Variants in PLIN3 observed in about 807,000 individuals in gnomAD.
PLIN3 encodes perilipin-3.
A neutral mutation model predicts 35.9 loss-of-function variants in PLIN3; 30 were observed. The ratio of observed to expected loss-of-function variants is 0.84; its 90% CI spans 0.62 to 1.13. The LOEUF (loss-of-function observed/expected upper bound fraction) is 1.13, where lower values mean the gene tolerates loss of function less well. PLIN3 is among the 50% of genes most tolerant of loss of function. PLIN3 has a pLI of 0.00. For missense variants in PLIN3, 603 were observed against 596.9 expected, an observed-to-expected ratio of 1.01 and a Z score of -0.11; for synonymous variants, 261 against 262.5, an observed-to-expected ratio of 0.99 and a Z score of 0.06.
In PLIN3 at chr19:4,847,793, C is replaced by T; in HGVS notation, c.732G>A (p.Glu244=). The T allele has an allele frequency of 2.5e-6, 4 of 1,613,812 alleles. No individual in the cohort carries two copies. The highest frequency in any genetic ancestry group is 1.1e-5 in the South Asian group (1 of 91,056). ...SYFVRLGSLS[E]RLRQHAYEHS... is the part of the protein sequence containing the mutation. Reference sequence around the variant, plus strand: ...GCTCATAGGCGTGCTGCCGCAGCCTCTCCGACAGGGAGCCCAGACGTACGA... The same window carrying T: ...GCTCATAGGCGTGCTGCCGCAGCCTTTCCGACAGGGAGCCCAGACGTACGA... Residue 244 remains glutamate, a synonymous_variant, in exon 6 of 8, where the codon GAG becomes GAA. Coordinates refer to ENST00000221957, the MANE Select transcript of PLIN3 (RefSeq NM_005817.5).
Position 4,847,812 on chromosome 19 carries a change from C to T in PLIN3, c.713G>A (p.Arg238His), listed in dbSNP as rs184331628. The T allele has an allele frequency of 3.3e-5, 53 of 1,613,890 alleles. No homozygotes were observed. Among genetic ancestry groups the T allele is most frequent in the Admixed American group, 2.8e-4 (17 of 59,942 alleles). ...CAGCCTCTCCGACAGGGAGCCCAGA[C>T]GTACGAAGTAGCTCTGTTCCTGCCG... is the stretch of plus-strand genomic sequence containing the variant. ...QQRQEQSYFV[R>H]LGSLSERLRQ... Residue 238 changes from arginine (R) to histidine (H), a missense_variant, in exon 6 of 8, where the codon CGT (arginine) becomes CAT (histidine). By Grantham distance (29) the Arg-to-His change is conservative. Transcript: ENST00000221957.
In PLIN3 at chr19:4,847,887, C is replaced by A. The variant is rs138721016; in HGVS notation, c.638G>T (p.Arg213Leu). Residue 213 changes from arginine to leucine, a missense_variant, in exon 6 of 8, where the codon CGC becomes CTC. Physicochemically the swap from Arg to Leu is moderately radical, Grantham distance 102 (BLOSUM62 -2). Coordinates refer to ENST00000221957, the MANE Select transcript of PLIN3 (RefSeq NM_005817.5). ...AAAGCCATCCAGGGATGTGGCGATG[C>A]GGGCTGCAAGGAAAAGGAGAAGGGT... ...HLPLTDAELA[R>L]IATSLDGFDV... is the part of the protein sequence containing the mutation. 6.2e-7 allele frequency: 1 copy of A among 1,612,294 alleles called. No individual in the cohort carries two copies.
At chr19:4,861,037 G>A (rs759862728) in intron 2 of PLIN3, among the ~76,000 whole-genome samples, 5 of 152,098 alleles carry the variant, frequency 3.3e-5, no homozygotes, top group Admixed American at 6.6e-5. Context: ...GGCCTCCTAG[G>A]ACGTCCCTGA....
intron 7 of PLIN3, among the ~76,000 whole-genome samples, chr19:4,840,967 A>T (rs1599155884): frequency 1.3e-5 from 2 of 151,662 alleles, no homozygotes; most frequent in South Asian, 4.2e-4. Context: ...ACAAACAAAA[A>T]CCCCAGAGGC....
At chr19:4,854,413 G>GT (rs35915790) in intron 4 of PLIN3, among the ~76,000 whole-genome samples, 91,907 of 139,704 alleles carry the variant, frequency 0.66, 28,366 homozygotes, top group Admixed American at 0.68. Flanking sequence ...TTTTGTTTTT[G>GT]TTTTTTTTTA....
At chr19:4,844,234 A>C (rs549288390) in intron 7 of PLIN3, among the ~76,000 whole-genome samples, 1 of 152,044 alleles carries the variant, frequency 6.6e-6, no homozygotes, top group African/African-American at 2.4e-5. Context: ...GAGGCTGGGC[A>C]GGGCGGATCA....
Position 4,839,107 on chromosome 19 carries a change from T to G in PLIN3, c.*85A>C. 8.9e-7 allele frequency: 1 copy of G among 1,127,794 alleles called. No homozygotes were observed. Among genetic ancestry groups the G allele is most frequent in the Non-Finnish European group, 1.3e-6 (1 of 789,446 alleles). 69.9% of individuals were successfully genotyped at this position (1,127,794 alleles called of 1,614,324 possible). A position where few individuals can be genotyped will look rare whatever the true frequency, so the allele number is the denominator to read the frequency against. On this transcript the variant is annotated 3_prime_UTR_variant, in exon 8 of 8. Transcript: ENST00000221957. ...AGAGCTGGGAGGAGTGGCTAGAAAA[T>G]AAGTTTGAAATGAGCCCCGGGTTGA...
At chr19:4,854,522 G>GCCT (rs2030410060) in intron 4 of PLIN3, among the ~76,000 whole-genome samples, 1 of 152,026 alleles carries the variant, frequency 6.6e-6, no homozygotes, top group South Asian at 2.1e-4. Flanking sequence ...TCCTGCCTCA[G>GCCT]CCTCCCCAGC....
At chr19:4,843,131 A>G (rs572262991) in intron 7 of PLIN3, among the ~76,000 whole-genome samples, 15 of 152,184 alleles carry the variant, frequency 9.9e-5, no homozygotes, top group Admixed American at 9.2e-4. Flanking sequence ...TGGAGACAGG[A>G]GAACCACTTG....
At position 4,844,795 on chromosome 19, in the gene PLIN3, TG is replaced by T; in HGVS notation, c.835-3del. 2.5e-6 allele frequency: 4 copies of T among 1,594,270 alleles called. No homozygotes were observed. Among genetic ancestry groups the T allele is most frequent in the Non-Finnish European group, 3.4e-6 (4 of 1,170,592 alleles). ...AACGCCTTGCTTGACAGTTTCCATC[TG>T]GGGCAGGGGAGAGAGAAGTGAGGGA... On this transcript the variant is annotated splice_polypyrimidine_tract_variant and splice_region_variant and intron_variant, in intron 6 of 7. Transcript: ENST00000221957.
In PLIN3 at chr19:4,845,538, G is replaced by A. The variant is rs190341481; in HGVS notation, c.835-745C>T. ...CAATCCCAGCGCTTTGGGAGGCCAA[G>A]GGGGTTGGATCAGTTGAGCTCAGTA... On this transcript the variant is annotated intron_variant, in intron 6 of 7. Transcript: ENST00000221957. Among the ~76,000 whole-genome samples, 27 of 152,256 alleles carry A rather than the reference G, an allele frequency of 1.8e-4. No homozygotes were observed. The East Asian group carries it at 5.2e-3, about 29-fold the overall frequency.
At chr19:4,859,042 A>G (rs575715242) in intron 4 of PLIN3, among the ~76,000 whole-genome samples, 2 of 152,100 alleles carry the variant, frequency 1.3e-5, no homozygotes. Flanking sequence ...CCTGCCGCCA[A>G]CCTTTTCTGA....
rs1036524802 is a variant in PLIN3 at position 4,859,583 on chromosome 19, T to C, written c.348+7A>G. On this transcript the variant is annotated splice_region_variant and intron_variant, in intron 4 of 7. Transcript: ENST00000221957. ...TCGACAGAGCCCCTGAGGACGGACA[T>C]CGTTACCTTCTCCGTGGGCTGCTGC... The C allele has an allele frequency of 6.2e-7, 1 of 1,612,846 alleles. No individual in the cohort carries two copies. Among genetic ancestry groups the C allele is most frequent in the South Asian group, 1.1e-5 (1 of 91,064 alleles).
chr19:4,856,878 G>T (rs1421686256), intron 4 of PLIN3, among the ~76,000 whole-genome samples: 1 of 151,628 alleles, frequency 6.6e-6, no homozygotes, highest in Non-Finnish European at 1.5e-5. Flanking sequence ...GCTGATTTTT[G>T]AATTTTTAGT....
chr19:4,839,568 C>G (rs2029870087), intron 7 of PLIN3, 32 bp from the exon 8 acceptor site: 1 of 1,455,322 alleles, frequency 6.9e-7, no homozygotes, highest in African/African-American at 1.4e-5. Context: ...CCAATCAGGA[C>G]CATTTGTTTC....
At chr19:4,863,413 C>T (rs1364136051) in intron 1 of PLIN3, among the ~76,000 whole-genome samples, 3 of 149,238 alleles carry the variant, frequency 2.0e-5, no homozygotes, top group Non-Finnish European at 3.0e-5. Flanking sequence ...AGGAGAGTTA[C>T]TTGAACCCGG....
rs767103876 is a variant in PLIN3, at chr19:4,855,253, A to AAGG, written c.349-2953_349-2952insCCT. Among the ~76,000 whole-genome samples, 22 of 47,790 alleles carry AAGG rather than the reference A, an allele frequency of 4.6e-4. No homozygotes were observed. In the South Asian group the frequency reaches 0.019, roughly 41 times the overall value. The allele number at this position is 47,790 out of a possible 152,430, so 31.4% of individuals were successfully genotyped here. Reference sequence around the variant, plus strand: ...CAACAGAACGAGACTCCATCTGAAAAAAAAAAAAAAAAAAAAAAAAAGCTC... The same window carrying AAGG: ...CAACAGAACGAGACTCCATCTGAAAAAGGAAAAAAAAAAAAAAAAAAAAAGCTC... On this transcript the variant is annotated intron_variant, in intron 4 of 7. Coordinates refer to ENST00000221957, the MANE Select transcript of PLIN3 (RefSeq NM_005817.5).
chr19:4,861,316 G>C lies in PLIN3; in HGVS notation c.66+13C>G, dbSNP rs763601590. 2.5e-6 allele frequency: 4 copies of C among 1,611,636 alleles called. No individual in the cohort carries two copies. The highest frequency in any genetic ancestry group is 1.1e-5 in the South Asian group (1 of 91,052). ...CAGGGTCGGGGCAGTCCCTGGTCCC[G>C]GCCCTTCCTCACCTGCTGTACCGGT... On this transcript the variant is annotated intron_variant, in intron 2 of 7. Coordinates refer to ENST00000221957, the MANE Select transcript of PLIN3 (RefSeq NM_005817.5).
Position 4,861,328 on chromosome 19 carries a change from C to A in PLIN3, c.66+1G>T. Reference sequence around the variant, plus strand: ...AGTCCCTGGTCCCGGCCCTTCCTCACCTGCTGTACCGGTTCTTCCACTGTC... The same window carrying A: ...AGTCCCTGGTCCCGGCCCTTCCTCAACTGCTGTACCGGTTCTTCCACTGTC... On this transcript the variant is annotated splice_donor_variant, in intron 2 of 7. Coordinates refer to ENST00000221957, the MANE Select transcript of PLIN3 (RefSeq NM_005817.5). LOFTEE classifies it high-confidence loss of function. 1 of 1,613,506 alleles carries A rather than the reference C, an allele frequency of 6.2e-7. No individual in the cohort carries two copies. Among genetic ancestry groups the A allele is most frequent in the Non-Finnish European group, 8.5e-7 (1 of 1,179,610 alleles).
Sources: gnomAD v4.1 joint callset for allele counts (sites outside exome capture counted in the v4.1 genomes callset) on GRCh38, gnomAD v4.1.1 for gene constraint, MANE v1.5 for transcripts, NCBI Gene and HGNC (gene_info 2026-07-23, HGNC 2026-07-21) for gene names.